Variants in ZNRF3 observed in about 807,000 individuals in gnomAD.
ZNRF3 encodes the protein E3 ubiquitin-protein ligase ZNRF3.
ZNRF3 carries 23 observed loss-of-function variants against 72.5 expected under a neutral mutation model. The observed-to-expected ratio is 0.32, with a 90% CI of 0.23 to 0.45. ZNRF3 has a LOEUF of 0.45. ZNRF3 is among the 20% of genes least tolerant of loss of function. ZNRF3 has a pLI of 1.00. For synonymous variants in ZNRF3, 610 were observed against 545.3 expected, an observed-to-expected ratio of 1.12 and a Z score of -1.65; for missense variants, 1,169 against 1,272.1, an observed-to-expected ratio of 0.92 and a Z score of 1.23.
chr22:29,049,516 C>T lies in ZNRF3; in HGVS notation c.1335C>T (p.Pro445=), dbSNP rs563647748. 2.5e-6 allele frequency: 4 copies of T among 1,604,988 alleles called. No homozygotes were observed. The highest frequency in any genetic ancestry group is 1.7e-5 in the Admixed American group (1 of 59,882). ...LEHRAYSPAH[P]FRRPKLSGRS... is the part of the protein sequence containing the mutation. ...ACCGGGCCTACTCCCCAGCCCACCC[C>T]TTCCGCAGGCCCAAGTTGAGTGGCC... is the stretch of plus-strand genomic sequence containing the variant. Residue 445 remains proline (P), a synonymous_variant, in exon 8 of 9, where the codon CCC becomes CCT. Transcript: ENST00000544604. The surrounding 1 kb of genome is among the most constrained non-coding windows in gnomAD (Gnocchi z 5.2).
At chr22:28,936,744 C>A (rs940137898) in intron 1 of ZNRF3, among the ~76,000 whole-genome samples, 2 of 152,136 alleles carry the variant, frequency 1.3e-5, no homozygotes, top group Non-Finnish European at 2.9e-5. Flanking sequence ...CTTTTCTTAA[C>A]CATGGCTTTC....
At chr22:28,969,454 A>G (rs927281687) in intron 1 of ZNRF3, among the ~76,000 whole-genome samples, 1 of 152,174 alleles carries the variant, frequency 6.6e-6, no homozygotes, top group African/African-American at 2.4e-5. Context: ...TATGTAAAGG[A>G]GGTTAAGGAC....
chr22:28,929,079 T>C (rs1339804343), intron 1 of ZNRF3, among the ~76,000 whole-genome samples: 1 of 152,234 alleles, frequency 6.6e-6, no homozygotes, highest in Non-Finnish European at 1.5e-5. Flanking sequence ...TGATCAAGAC[T>C]GTGGTGCTGT....
At chr22:28,961,732 G>A (rs778135021) in intron 1 of ZNRF3, among the ~76,000 whole-genome samples, 10 of 152,190 alleles carry the variant, frequency 6.6e-5, no homozygotes, top group Non-Finnish European at 1.3e-4. Context: ...GGAAAAAAAT[G>A]CTTTACCCAA....
chr22:28,943,625 T>A (rs1305154017), intron 1 of ZNRF3, among the ~76,000 whole-genome samples: 1 of 152,140 alleles, frequency 6.6e-6, no homozygotes, highest in African/African-American at 2.4e-5. Flanking sequence ...TGGTGGTTAC[T>A]GAAGCTACTT....
chr22:29,038,488 A>G (rs540652439), intron 2 of ZNRF3, among the ~76,000 whole-genome samples: 3 of 152,006 alleles, frequency 2.0e-5, no homozygotes, highest in Non-Finnish European at 4.4e-5. Flanking sequence ...GAATGCCACC[A>G]TGCCTGCCTA....
chr22:28,993,481 G>A (rs1014890262), intron 2 of ZNRF3, among the ~76,000 whole-genome samples: 1 of 152,116 alleles, frequency 6.6e-6, no homozygotes, highest in African/African-American at 2.4e-5. Flanking sequence ...GAACCATATG[G>A]TCAGCCCACT....
chr22:28,933,286 A>C (rs2034746115), intron 1 of ZNRF3, among the ~76,000 whole-genome samples: 1 of 152,238 alleles, frequency 6.6e-6, no homozygotes, highest in African/African-American at 2.4e-5. Flanking sequence ...GTTGTTTAAA[A>C]ATGAATCAAT....
intron 2 of ZNRF3, among the ~76,000 whole-genome samples, chr22:29,011,649 A>G (rs1489000444): frequency 2.6e-5 from 4 of 152,256 alleles, no homozygotes; most frequent in Non-Finnish European, 4.4e-5. Context: ...TAGGCCAGTT[A>G]AAACAATATG....
intron 2 of ZNRF3, among the ~76,000 whole-genome samples, chr22:28,988,527 A>G (rs1231698217): frequency 6.6e-6 from 1 of 152,192 alleles, no homozygotes; most frequent in Admixed American, 6.5e-5. Context: ...TGGAAAAAAT[A>G]ACCCCACAGG....
intron 2 of ZNRF3, chr22:29,031,484 G>C (rs2036755616): frequency 2.9e-6 from 2 of 684,726 alleles, no homozygotes; most frequent in African/African-American, 3.9e-5. Flanking sequence ...CAGGCCTTGG[G>C]AGCCCCCTTG....
At chr22:28,988,366 A>C (rs2035893087) in intron 2 of ZNRF3, among the ~76,000 whole-genome samples, 1 of 152,126 alleles carries the variant, frequency 6.6e-6, no homozygotes, top group Non-Finnish European at 1.5e-5. Context: ...GAGAGGGAAG[A>C]CTTTCCAGAC....
intron 2 of ZNRF3, among the ~76,000 whole-genome samples, chr22:29,024,284 GT>G (rs59532780): frequency 6.3e-4 from 80 of 127,718 alleles, no homozygotes; most frequent in Non-Finnish European, 6.4e-4. Context: ...GGCATTAACT[GT>G]TTTTTTTTTT....
intron 1 of ZNRF3, among the ~76,000 whole-genome samples, chr22:28,905,507 G>A (rs1398502587): frequency 6.6e-6 from 1 of 152,164 alleles, no homozygotes; most frequent in African/African-American, 2.4e-5. Flanking sequence ...ACATAGATTT[G>A]TTAAGCCATT....
At chr22:28,926,261 A>C (rs551714683) in intron 1 of ZNRF3, among the ~76,000 whole-genome samples, 1 of 152,250 alleles carries the variant, frequency 6.6e-6, no homozygotes, top group Non-Finnish European at 1.5e-5. Flanking sequence ...GCTGCAGAGC[A>C]TGGAGCAAGC....
intron 3 of ZNRF3, among the ~76,000 whole-genome samples, 169 bp downstream of exon 3, chr22:29,042,738 G>A (rs1019601204): frequency 2.0e-5 from 3 of 151,478 alleles, no homozygotes; most frequent in South Asian, 2.1e-4. Flanking sequence ...TATACTGGGC[G>A]AGGTTAAGAG....
At chr22:28,941,780 G>A (rs189439143) in intron 1 of ZNRF3, among the ~76,000 whole-genome samples, 11 of 152,126 alleles carry the variant, frequency 7.2e-5, no homozygotes, top group South Asian at 6.2e-4. Context: ...GCGTGGTGGC[G>A]CATGCCTGTA....
chr22:28,906,969 TTTTC>T (rs1197665126), intron 1 of ZNRF3, among the ~76,000 whole-genome samples: 9 of 151,942 alleles, frequency 5.9e-5, no homozygotes, highest in South Asian at 2.1e-4. Flanking sequence ...AGTCATTTTC[TTTTC>T]TTTCTTTCTT....
rs767404958 is a variant in ZNRF3, at chr22:29,046,881, G to A, written c.910G>A (p.Glu304Lys). 1 of 1,574,954 alleles carries A rather than the reference G, an allele frequency of 6.3e-7. No homozygotes were observed. The change falls in exon 6 of 9, where the codon GAG becomes AAG. Residue 304 changes from glutamate (E) to lysine (K), a missense_variant and splice_region_variant. Glu to Lys is a moderately conservative substitution (Grantham distance 56, BLOSUM62 1). This residue lies in a region of ZNRF3 where 386 missense variants were observed against 540.7 expected (regional missense o/e 0.71). Transcript: ENST00000544604. ...CTGTCTGGAGAAGTACATTGATGGA[G>A]AGGTAATGGCAGAAGCAGGCCCGTC... ...AICLEKYIDG[E>K]ELRVIPCTHR...
Sources: allele counts gnomAD v4.1 joint callset (sites outside exome capture counted in the v4.1 genomes callset), GRCh38; gene constraint gnomAD v4.1.1; regional missense constraint gnomAD v4.1.1; non-coding constraint Gnocchi (gnomAD v3.1); transcripts MANE v1.5; gene names NCBI Gene and HGNC (gene_info 2026-07-23, HGNC 2026-07-21).